Variants in TRMO observed in about 807,000 individuals in gnomAD.
The protein encoded by TRMO is tRNA (adenine(37)-N6)-methyltransferase.
A neutral mutation model predicts 37.2 loss-of-function variants in TRMO; 30 were observed. The observed-to-expected ratio is 0.81, with a 90% CI of 0.60 to 1.09. TRMO has a LOEUF of 1.09. TRMO is among the 50% of genes least tolerant of loss of function. The pLI is 0.00. For synonymous variants in TRMO, 239 were observed against 199.4 expected (o/e 1.20, Z -1.67); for missense variants, 552 against 549.5 (o/e 1.00, Z -0.05).
the TRMO span, among the ~76,000 whole-genome samples, chr9:97,896,864 T>C: frequency 1.3e-5 from 2 of 152,370 alleles, no homozygotes; most frequent in East Asian, 3.9e-4. Flanking sequence ...GTTTGAGTTC[T>C]AGACATTTTA....
intron 4 of TRMO, among the ~76,000 whole-genome samples, chr9:97,908,382 A>G (rs1020163274): frequency 6.8e-5 from 10 of 147,234 alleles, no homozygotes; most frequent in South Asian, 2.1e-4. Context: ...ATTGCACTCC[A>G]GCCTGGGCGA....
chr9:97,897,060 C>A, the TRMO span, among the ~76,000 whole-genome samples: 1 of 152,178 alleles, frequency 6.6e-6, no homozygotes, highest in East Asian at 1.9e-4. Flanking sequence ...GATGTGCAAA[C>A]ATGGGTTGTA....
At chr9:97,899,336 T>A in the TRMO span, among the ~76,000 whole-genome samples, 1 of 152,114 alleles carries the variant, frequency 6.6e-6, no homozygotes, top group African/African-American at 2.4e-5. Flanking sequence ...TTTTGTGGGG[T>A]AACTGAATCC....
rs752160277 is a variant in TRMO at position 97,906,841 on chromosome 9, CAAAAA to C, written c.1067-1854_1067-1850del. 3.5e-4 allele frequency among the ~76,000 whole-genome samples: 44 copies of C among 125,514 alleles called. 1 individual carries two copies. The highest frequency in any genetic ancestry group is 1.2e-3 in the African/African-American group (44 of 35,438). The allele number at this position is 125,514 out of a possible 152,430, so 82.3% of individuals were successfully genotyped here. The stretch of plus-strand genomic sequence containing the variant: ...TGGGTGACAGAGTAAGACTCCGTCT[CAAAAA>C]AAAAAAAAAAAAGAAAGAAAGAAAA... On this transcript the variant is annotated intron_variant, in intron 4 of 4. Transcript: ENST00000375119.
the TRMO span, among the ~76,000 whole-genome samples, chr9:97,899,399 G>A: frequency 6.6e-6 from 1 of 151,128 alleles, no homozygotes; most frequent in African/African-American, 2.4e-5. Flanking sequence ...CATATTGCTT[G>A]GTAAAAATAG....
downstream of TRMO, among the ~76,000 whole-genome samples, chr9:97,900,391 T>C (rs1303505861): frequency 6.6e-6 from 1 of 152,264 alleles, no homozygotes; most frequent in Non-Finnish European, 1.5e-5. Context: ...GCTCTTCGTA[T>C]TTCCCATCTT....
downstream of TRMO, among the ~76,000 whole-genome samples, chr9:97,901,551 T>C (rs759799332): frequency 2.6e-5 from 4 of 152,178 alleles, no homozygotes; most frequent in Non-Finnish European, 5.9e-5. Context: ...TTAGTGTGTA[T>C]TTGTGTGTGT....
At position 97,910,412 on chromosome 9, in the gene TRMO, C is replaced by A. The variant is rs537906847; in HGVS notation, c.614G>T (p.Gly205Val). The change falls in exon 4 of 5, where the codon GGG (glycine) becomes GTG (valine). Residue 205 changes from glycine to valine, a missense_variant. By Grantham distance (109) the Gly-to-Val change is moderately radical. Transcript: ENST00000375119. ...ATGGTGGGGTTGTGGCTCATCACAC[C>A]CTGAGAGCTGTCGCTGGTCACAGCT... is the stretch of plus-strand genomic sequence containing the variant. ...TDSCDQRQLS[G>V]CDEPQPHHST... is the part of the protein sequence containing the mutation. The A allele has an allele frequency of 4.3e-5, 70 of 1,614,108 alleles. No individual in the cohort carries two copies. In the South Asian group the frequency reaches 6.9e-4, roughly 16 times the overall value.
downstream of TRMO, among the ~76,000 whole-genome samples, chr9:97,901,628 A>G (rs1201392703): frequency 6.6e-6 from 1 of 152,120 alleles, no homozygotes; most frequent in African/African-American, 2.4e-5. Context: ...AATCAATGAC[A>G]GTTTTAAAAC....
intron 1 of TRMO, among the ~76,000 whole-genome samples, chr9:97,919,468 G>A (rs1264761202): frequency 6.6e-6 from 1 of 151,086 alleles, no homozygotes; most frequent in Non-Finnish European, 1.5e-5. Flanking sequence ...AAAAGAAAGA[G>A]AGAAACACTA....
chr9:97,903,759 T>C (rs981842410), downstream of TRMO, among the ~76,000 whole-genome samples: 1 of 152,178 alleles, frequency 6.6e-6, no homozygotes, highest in Non-Finnish European at 1.5e-5. Context: ...ACCTAACCCA[T>C]AGGTTCTCAA....
At chr9:97,922,200 CAA>C (rs1826681618) in intron 1 of TRMO, among the ~76,000 whole-genome samples, 1 of 152,206 alleles carries the variant, frequency 6.6e-6, no homozygotes, top group East Asian at 1.9e-4. Flanking sequence ...GCAGACAGTA[CAA>C]GTCTTATAAC....
intron 2 of TRMO, chr9:97,913,869 G>A (rs956542658): frequency 2.1e-5 from 5 of 238,276 alleles, no homozygotes; most frequent in South Asian, 7.5e-5. Context: ...CAGGTAGTAC[G>A]GTAAAACATT....
downstream of TRMO, among the ~76,000 whole-genome samples, chr9:97,902,117 G>A (rs1422850591): frequency 6.6e-6 from 1 of 152,212 alleles, no homozygotes; most frequent in African/African-American, 2.4e-5. Context: ...GGAGGACAGA[G>A]TGGATCTCAC....
At chr9:97,900,607 G>C (rs373960880), downstream of TRMO, 32 of 168,600 alleles carry the variant, frequency 1.9e-4, 1 homozygote, top group African/African-American at 7.4e-4. Context: ...GAGGACTCAG[G>C]CCAGACTGGT....
At chr9:97,921,515 C>G (rs912690029) in intron 1 of TRMO, among the ~76,000 whole-genome samples, 1 of 152,006 alleles carries the variant, frequency 6.6e-6, no homozygotes, top group African/African-American at 2.4e-5. Context: ...GCCCGCCTCC[C>G]GGGTTCATGC....
chr9:97,904,163 C>T (rs1422714468), downstream of TRMO, among the ~76,000 whole-genome samples: 1 of 152,044 alleles, frequency 6.6e-6, no homozygotes, highest in Non-Finnish European at 1.5e-5. Context: ...CAAAGACATC[C>T]AAAGAAATCT....
rs148247656 is a variant in TRMO, at chr9:97,910,591, A to C, written c.435T>G (p.Ile145Met). The change falls in exon 4 of 5, where the codon ATT (isoleucine) becomes ATG (methionine). Residue 145 changes from isoleucine to methionine, a missense_variant. Ile to Met is a conservative substitution (Grantham distance 10). Transcript: ENST00000375119. ...GTACGGGTGTGCCATGTATCATGTC[A>C]ATTCCAGAAAGGTATATAGCTCCAC... The part of the protein sequence containing the change: ...VEGGAIYLSG[I>M]DMIHGTPVLD... 6.2e-4 allele frequency: 995 copies of C among 1,613,932 alleles called. No individual in the cohort carries two copies. The highest frequency in any genetic ancestry group is 7.7e-4 in the Non-Finnish European group (906 of 1,180,014).
intron 2 of TRMO, 108 bp downstream of exon 2, chr9:97,916,056 G>T: frequency 1.4e-6 from 1 of 725,776 alleles, no homozygotes; most frequent in Non-Finnish European, 2.2e-6. Context: ...ACAAAACAAA[G>T]ATGAGGGTGG....
Sources: allele counts gnomAD v4.1 joint callset (sites outside exome capture counted in the v4.1 genomes callset), GRCh38; gene constraint gnomAD v4.1.1; transcripts MANE v1.5; gene names NCBI Gene and HGNC (gene_info 2026-07-23, HGNC 2026-07-21).